The following PPHLN1 variants were observed in gnomAD, a reference collection of about 807,000 sequenced individuals.
PPHLN1 encodes the protein periphilin 1, also known as periphilin-1.
PPHLN1 carries 29 observed loss-of-function variants against 51.3 expected under a neutral mutation model. The ratio of observed to expected loss-of-function variants is 0.57; its 90% confidence interval spans 0.42 to 0.77. The LOEUF is 0.77. PPHLN1 is among the 30% of genes least tolerant of loss of function. PPHLN1 has a pLI of 0.00. For missense variants in PPHLN1, 436 were observed against 438.4 expected, an observed-to-expected ratio of 0.99 and a Z score of 0.05; for synonymous variants, 147 against 147.8, an observed-to-expected ratio of 0.99 and a Z score of 0.04.
intron 9 of PPHLN1, chr12:42,432,153 T>C: frequency 1.0e-6 from 1 of 967,502 alleles, no homozygotes; most frequent in East Asian, 2.4e-5. Flanking sequence ...GCTGTCTCGA[T>C]CATCTTCTTC....
At chr12:42,386,181 T>G (rs139126064) in intron 6 of PPHLN1, among the ~76,000 whole-genome samples, 3 of 152,254 alleles carry the variant, frequency 2.0e-5, no homozygotes, top group Non-Finnish European at 4.4e-5. Flanking sequence ...TCTTTGTTGT[T>G]GGGGTGTCCC....
At chr12:42,388,024 G>A (rs1367061733) in intron 7 of PPHLN1, among the ~76,000 whole-genome samples, 1 of 152,210 alleles carries the variant, frequency 6.6e-6, no homozygotes, top group African/African-American at 2.4e-5. Context: ...AACGCCGCAG[G>A]GACCTCTGCC....
intron 9 of PPHLN1, among the ~76,000 whole-genome samples, chr12:42,410,994 G>A (rs183727578): frequency 1.2e-3 from 178 of 152,110 alleles, no homozygotes; most frequent in African/African-American, 4.2e-3. Context: ...GGTGATTTAT[G>A]TTAAATTACG....
At chr12:42,374,232 A>G (rs1244172385) in intron 4 of PPHLN1, among the ~76,000 whole-genome samples, 1 of 152,192 alleles carries the variant, frequency 6.6e-6, no homozygotes, top group Non-Finnish European at 1.5e-5. Flanking sequence ...TGTTAATGGC[A>G]AAGAGAAATG....
intron 5 of PPHLN1, among the ~76,000 whole-genome samples, chr12:42,379,394 C>G (rs2076577688): frequency 6.6e-6 from 1 of 151,702 alleles, no homozygotes; most frequent in Admixed American, 6.6e-5. Flanking sequence ...GATATTTCTT[C>G]CTTTTATGTT....
Position 42,393,665 on chromosome 12 carries a change from C to T in PPHLN1, c.744C>T (p.Asn248=), listed in dbSNP as rs2077932064. 1 of 1,608,502 alleles carries T rather than the reference C, an allele frequency of 6.2e-7. No individual in the cohort carries two copies. Among genetic ancestry groups the T allele is most frequent in the Non-Finnish European group, 8.5e-7 (1 of 1,178,302 alleles). Residue 248 remains asparagine (N), a synonymous_variant, in exon 8 of 10, where the codon AAC becomes AAT. Coordinates refer to ENST00000358314, the MANE Select transcript of PPHLN1 (RefSeq NM_201439.2). ...AGCTAGAGAAATCAGATGAAAGTAACTTGCCTGAAATTTCTGAGTATGAGG... is the reference window on the plus strand; with the variant it reads ...AGCTAGAGAAATCAGATGAAAGTAATTTGCCTGAAATTTCTGAGTATGAGG... ...AEKLEKSDES[N]LPEISEYEAG... is the part of the protein sequence containing the mutation.
At chr12:42,446,907 G>A (rs902058466), downstream of PPHLN1, 10 of 372,234 alleles carry the variant, frequency 2.7e-5, no homozygotes, top group African/African-American at 2.0e-4. Flanking sequence ...TATGCCCTCC[G>A]GAAATCATGC....
chr12:42,398,855 C>T lies in PPHLN1; in HGVS notation c.770C>T (p.Ala257Val), dbSNP rs1386525479. The T allele has an allele frequency of 1.7e-5, 28 of 1,611,614 alleles. No homozygotes were observed. The highest frequency in any genetic ancestry group is 1.1e-4 in the East Asian group (5 of 44,852). The change falls in exon 9 of 10, where the codon GCG (alanine) becomes GTG (valine). Residue 257 changes from alanine to valine, a missense_variant and splice_region_variant. Ala to Val is a moderately conservative substitution (Grantham distance 64). Coordinates refer to ENST00000358314, the MANE Select transcript of PPHLN1 (RefSeq NM_201439.2). ...AAAGATTTCTAATTCCTTTTCAAGG[C>T]GGGATCCACAGCACCATTGTTTACT... ...SNLPEISEYEAGSTAPLFTDQ... is the reference protein window; with the variant it reads ...SNLPEISEYEVGSTAPLFTDQ...
chr12:42,440,291 A>G (rs1024028677), intron 9 of PPHLN1, among the ~76,000 whole-genome samples: 1 of 152,070 alleles, frequency 6.6e-6, no homozygotes, highest in African/African-American at 2.4e-5. Context: ...CATTACTGGT[A>G]TATAGGAAAG....
chr12:42,412,259 T>G (rs538486822), intron 9 of PPHLN1, among the ~76,000 whole-genome samples: 1 of 150,242 alleles, frequency 6.7e-6, no homozygotes, highest in South Asian at 2.1e-4. Flanking sequence ...ACCCTCCTGC[T>G]TGTGAGTCTC....
chr12:42,340,715 C>G (rs2071352936), intron 2 of PPHLN1, among the ~76,000 whole-genome samples: 1 of 152,170 alleles, frequency 6.6e-6, no homozygotes, highest in African/African-American at 2.4e-5. Context: ...TGGGAATATT[C>G]TCTTTCTTAA....
chr12:42,371,823 G>T (rs1303102791), intron 4 of PPHLN1, among the ~76,000 whole-genome samples: 7 of 152,082 alleles, frequency 4.6e-5, no homozygotes, highest in Admixed American at 2.6e-4. Context: ...GATATATTGG[G>T]TTAAGTAAAA....
intron 9 of PPHLN1, among the ~76,000 whole-genome samples, chr12:42,430,553 A>G (rs2081953858): frequency 1.3e-5 from 2 of 151,654 alleles, no homozygotes; most frequent in South Asian, 2.1e-4. Context: ...GTAGAGTGCT[A>G]TGGTGTGATC....
intron 1 of PPHLN1, among the ~76,000 whole-genome samples, chr12:42,329,004 G>A (rs949443108): frequency 2.6e-5 from 4 of 151,878 alleles, no homozygotes; most frequent in Admixed American, 6.6e-5. Flanking sequence ...ATGAGCCACC[G>A]CACCCAGCCC....
In PPHLN1 at chr12:42,383,941, G is replaced by A. The variant is rs994428429; in HGVS notation, c.512-999G>A. On this transcript the variant is annotated intron_variant, in intron 5 of 9. Transcript: ENST00000358314. ...GGAGGTTGCACTGAACTGAGATCAC[G>A]CCACTGCACTCCAGCCTGGGCAACA... Among the ~76,000 whole-genome samples, 39 of 124,178 alleles carry A rather than the reference G, an allele frequency of 3.1e-4. 1 individual carries two copies. In the Middle Eastern group the frequency reaches 0.021, roughly 65 times the overall value. The allele number at this position is 124,178 out of a possible 152,430, so 81.5% of individuals were successfully genotyped here.
At chr12:42,401,870 T>G (rs1456093051) in intron 9 of PPHLN1, among the ~76,000 whole-genome samples, 1 of 152,150 alleles carries the variant, frequency 6.6e-6, no homozygotes, top group East Asian at 1.9e-4. Flanking sequence ...TTGTTTGTTT[T>G]TTGAGACAGG....
intron 8 of PPHLN1, among the ~76,000 whole-genome samples, chr12:42,398,244 T>C (rs1176922147): frequency 3.9e-5 from 6 of 152,216 alleles, no homozygotes; most frequent in Admixed American, 3.9e-4. Context: ...TGATCATTAT[T>C]GATTTGTGGG....
chr12:42,424,936 G>C (rs2081300555), intron 9 of PPHLN1, among the ~76,000 whole-genome samples: 3 of 152,114 alleles, frequency 2.0e-5, no homozygotes. Flanking sequence ...ACATAATACA[G>C]TGTTAAGACA....
chr12:42,397,713 C>T (rs2078380843), intron 8 of PPHLN1, among the ~76,000 whole-genome samples: 2 of 151,936 alleles, frequency 1.3e-5, no homozygotes, highest in African/African-American at 4.8e-5. Flanking sequence ...ACATATGTAA[C>T]TCAAACTTCT....
Sources: gnomAD v4.1 joint callset for allele counts (sites outside exome capture counted in the v4.1 genomes callset) on GRCh38, gnomAD v4.1.1 for gene constraint, MANE v1.5 for transcripts, NCBI Gene and HGNC (gene_info 2026-07-23, HGNC 2026-07-21) for gene names.